The following PHLPP1 variants were observed in gnomAD, a reference collection of about 807,000 sequenced individuals.
PHLPP1 encodes the protein PH domain leucine-rich repeat-containing protein phosphatase 1.
In PHLPP1, 42 loss-of-function variants were observed where a neutral mutation model predicts 117.2. The observed-to-expected ratio is 0.36, with a 90% CI of 0.28 to 0.46. The LOEUF is 0.46. PHLPP1 is among the 20% of genes least tolerant of loss of function. PHLPP1 has a pLI of 1.00. For synonymous variants in PHLPP1, 1,042 were observed against 970.7 expected (o/e 1.07, Z -1.37); for missense variants, 2,084 against 2,241.9 (o/e 0.93, Z 1.42).
At chr18:62,874,532 T>G (rs992690879) in intron 4 of PHLPP1, among the ~76,000 whole-genome samples, 3 of 151,970 alleles carry the variant, frequency 2.0e-5, no homozygotes, top group Non-Finnish European at 4.4e-5. Context: ...AAAAGGGCAA[T>G]TATTTACCAA....
chr18:62,862,904 G>A (rs1351553260), intron 4 of PHLPP1, among the ~76,000 whole-genome samples: 2 of 152,192 alleles, frequency 1.3e-5, no homozygotes, highest in African/African-American at 4.8e-5. Flanking sequence ...GAATAGAGAA[G>A]AATATAATGA....
At chr18:62,821,428 A>G (rs1159725331) in intron 1 of PHLPP1, among the ~76,000 whole-genome samples, 1 of 151,912 alleles carries the variant, frequency 6.6e-6, no homozygotes, top group Non-Finnish European at 1.5e-5. Context: ...ATATGCCTGT[A>G]GTCCCAGCTA....
chr18:62,857,873 T>G (rs1301256736), intron 3 of PHLPP1, among the ~76,000 whole-genome samples: 1 of 152,200 alleles, frequency 6.6e-6, no homozygotes, highest in African/African-American at 2.4e-5. Context: ...ATTAAGTAGA[T>G]TCTCAACACA....
chr18:62,954,490 T>A (rs1910556970), intron 12 of PHLPP1, among the ~76,000 whole-genome samples: 1 of 152,212 alleles, frequency 6.6e-6, no homozygotes. Flanking sequence ...GTGGAGTACC[T>A]CAGCAGTCAG....
intron 3 of PHLPP1, 86 bp from the exon 4 acceptor site, chr18:62,860,349 C>T: frequency 9.0e-7 from 1 of 1,116,914 alleles, no homozygotes; most frequent in Non-Finnish European, 1.3e-6. Context: ...ATATCTGTTC[C>T]AAATTGGGAT....
intron 2 of PHLPP1, among the ~76,000 whole-genome samples, chr18:62,833,365 C>A (rs558464313): frequency 6.6e-6 from 1 of 152,170 alleles, no homozygotes; most frequent in African/African-American, 2.4e-5. Flanking sequence ...TGAGCCACCA[C>A]GCCTGGCCAG....
chr18:62,966,009 A>T (rs907258481), intron 14 of PHLPP1, among the ~76,000 whole-genome samples: 18 of 152,242 alleles, frequency 1.2e-4, no homozygotes, highest in African/African-American at 3.6e-4. Flanking sequence ...CTTGTTTTTC[A>T]TAATAAATAG....
chr18:62,807,710 G>A (rs1043562831), intron 1 of PHLPP1, among the ~76,000 whole-genome samples: 1 of 152,144 alleles, frequency 6.6e-6, no homozygotes, highest in African/African-American at 2.4e-5. Context: ...GTAGGCAGTT[G>A]TAACACAATG....
chr18:62,839,753 A>C, intron 3 of PHLPP1: 1 of 146,544 alleles, frequency 6.8e-6, no homozygotes, highest in South Asian at 2.1e-4. Flanking sequence ...TATATAATAT[A>C]ATATATAATT....
intron 14 of PHLPP1, among the ~76,000 whole-genome samples, chr18:62,969,959 A>G (rs1161219042): frequency 6.6e-6 from 1 of 152,038 alleles, no homozygotes; most frequent in Non-Finnish European, 1.5e-5. Context: ...TATTTAATGA[A>G]ATTATTGATA....
At position 62,895,138 on chromosome 18, in the gene PHLPP1, G is replaced by C; in HGVS notation, c.2194G>C (p.Ala732Pro). Residue 732 changes from alanine to proline, a missense_variant, in exon 5 of 17, where the codon GCC becomes CCC. Physicochemically the swap from Ala to Pro is conservative, Grantham distance 27. Around this residue, in one of 2 missense-constraint regions of PHLPP1, gnomAD observed 1,365 missense variants for 1,605.9 expected, o/e 0.85. Coordinates refer to ENST00000262719, the MANE Select transcript of PHLPP1 (RefSeq NM_194449.4). ...CAATGCCCTGCGATCAGTCCCGGCA[G>C]CCGTTGGAGTGATGCACAAGTGTGT... The part of the protein sequence containing the change: ...SCNALRSVPA[A>P]VGVMHNLQTF... 1.2e-6 allele frequency: 2 copies of C among 1,613,822 alleles called. No homozygotes were observed. Among genetic ancestry groups the C allele is most frequent in the African/African-American group, 2.7e-5 (2 of 75,026 alleles).
chr18:62,850,535 A>G (rs1178504628), intron 3 of PHLPP1, among the ~76,000 whole-genome samples: 2 of 152,192 alleles, frequency 1.3e-5, no homozygotes, highest in East Asian at 1.9e-4. Flanking sequence ...CTTTGGGGGA[A>G]TGCTGCCATG....
At chr18:62,886,408 G>A (rs1044335365) in intron 4 of PHLPP1, among the ~76,000 whole-genome samples, 1 of 152,066 alleles carries the variant, frequency 6.6e-6, no homozygotes, top group Non-Finnish European at 1.5e-5. Context: ...CGAGTAGCTA[G>A]GACTACAGGT....
In PHLPP1 at chr18:62,754,529, C is replaced by T. The variant is rs572726185; in HGVS notation, c.1576+37270C>T. On this transcript the variant is annotated intron_variant, in intron 1 of 16. Transcript: ENST00000262719. The stretch of plus-strand genomic sequence containing the variant: ...CATTTTGCAGTTAACGCTGAGAGAG[C>T]AAGGTGTTTTTGCTTTGGGGAGCAT... Among the ~76,000 whole-genome samples the T allele has an allele frequency of 1.1e-4, 16 of 152,296 alleles. No individual in the cohort carries two copies. The South Asian group carries it at 3.1e-3, about 30-fold the overall frequency.
At chr18:62,974,157 A>G (rs1310496585) in intron 15 of PHLPP1, among the ~76,000 whole-genome samples, 1 of 152,158 alleles carries the variant, frequency 6.6e-6, no homozygotes, top group Non-Finnish European at 1.5e-5. Context: ...TACTTGCTAT[A>G]CTTTTTACAA....
chr18:62,768,090 G>A (rs1295032518), intron 1 of PHLPP1, among the ~76,000 whole-genome samples: 2 of 152,146 alleles, frequency 1.3e-5, no homozygotes, highest in Non-Finnish European at 2.9e-5. Context: ...GGCCTGTTTT[G>A]TAAGTTTGTT....
intron 1 of PHLPP1, among the ~76,000 whole-genome samples, chr18:62,742,490 G>T (rs1005481434): frequency 6.6e-6 from 1 of 152,014 alleles, no homozygotes; most frequent in Non-Finnish European, 1.5e-5. Flanking sequence ...CTGGGCGCCT[G>T]AGTGGCGCTA....
In PHLPP1 at chr18:62,968,529, C is replaced by CTTTTTTTT. The variant is rs34849907; in HGVS notation, c.3561-3966_3561-3959dup. Among the ~76,000 whole-genome samples the CTTTTTTTT allele has an allele frequency of 1.5e-4, 8 of 51,778 alleles. 2 individuals are homozygous for CTTTTTTTT. The highest frequency in any genetic ancestry group is 2.3e-4 in the Non-Finnish European group (6 of 26,472). The allele number at this position is 51,778 out of a possible 152,430, so 34.0% of individuals were successfully genotyped here. ...CTGTTCATAATATCCCATTATTAGG[C>CTTTTTTTT]TTTTTTTTTTTTTTTTTTTTTTTTT... On this transcript the variant is annotated intron_variant, in intron 14 of 16. Transcript: ENST00000262719.
chr18:62,819,698 T>TGCACA (rs1914391374), intron 1 of PHLPP1, among the ~76,000 whole-genome samples: 1 of 152,172 alleles, frequency 6.6e-6, no homozygotes, highest in Non-Finnish European at 1.5e-5. Context: ...CAGGCTGGAG[T>TGCACA]GCAATGGTGC....
Sources: gnomAD v4.1 joint callset for allele counts (sites outside exome capture counted in the v4.1 genomes callset) on GRCh38, gnomAD v4.1.1 for gene constraint, gnomAD v4.1.1 regional missense constraint, MANE v1.5 for transcripts, NCBI Gene and HGNC (gene_info 2026-07-23, HGNC 2026-07-21) for gene names.